MTUS2: variants seen among roughly 807,000 people sequenced by gnomAD.
The protein encoded by MTUS2 is microtubule-associated tumor suppressor candidate 2.
MTUS2 carries 40 observed loss-of-function variants against 114.1 expected under a neutral mutation model. The ratio of observed to expected loss-of-function variants is 0.35; its 90% CI spans 0.27 to 0.46. The LOEUF (loss-of-function observed/expected upper bound fraction) is 0.46. Ranked by LOEUF, MTUS2 falls within the 20% of genes least tolerant of loss-of-function variation. The pLI is 1.00. For missense variants in MTUS2, 1,679 were observed against 1,705.4 expected (o/e 0.98, Z 0.27); for synonymous variants, 688 against 672.0 (o/e 1.02, Z -0.37).
intron 7 of MTUS2, among the ~76,000 whole-genome samples, chr13:29,354,694 G>A (rs2138200906): frequency 6.6e-6 from 1 of 152,264 alleles, no homozygotes; most frequent in Non-Finnish European, 1.5e-5. Context: ...CTGTACTTAA[G>A]ACCAGCTGGA....
In MTUS2 at chr13:29,389,416, T is replaced by TGTATGTATACAC. The variant is rs1555272464; in HGVS notation, c.3117+29945_3117+29946insATGTATACACGT. ...GTGTGTATATATGTATACACGTGTG[T>TGTATGTATACAC]GTGTATGTATACACGTGTGTGTATG... On this transcript the variant is annotated intron_variant, in intron 8 of 15. Transcript: ENST00000612955. 6.5e-4 allele frequency among the ~76,000 whole-genome samples: 49 copies of TGTATGTATACAC among 74,962 alleles called. 15 individuals carry two copies. Among genetic ancestry groups the TGTATGTATACAC allele is most frequent in the African/African-American group, 2.4e-3 (41 of 16,908 alleles). 49.2% of individuals were successfully genotyped at this position (74,962 alleles called of 152,430 possible). A position where few individuals can be genotyped will look rare whatever the true frequency, so the allele number is the denominator to read the frequency against.
intron 1 of MTUS2, among the ~76,000 whole-genome samples, chr13:28,827,267 G>A (rs1356946249): frequency 6.6e-6 from 1 of 152,078 alleles, no homozygotes; most frequent in East Asian, 1.9e-4. Flanking sequence ...CCAAACATTA[G>A]GTTTAGTTTT....
At chr13:29,307,665 C>A (rs772842279) in intron 6 of MTUS2, 2 of 1,128,744 alleles carry the variant, frequency 1.8e-6, no homozygotes, top group Admixed American at 1.7e-5. Flanking sequence ...CCACCTTCGA[C>A]GCTGGGGCTA....
intron 9 of MTUS2, among the ~76,000 whole-genome samples, chr13:29,463,534 A>G (rs1190430713): frequency 1.3e-5 from 2 of 152,212 alleles, no homozygotes; most frequent in Non-Finnish European, 1.5e-5. Context: ...CCAAGGGCAC[A>G]CGCCCTATTG....
chr13:29,406,248 CACTT>C (rs1034639865), intron 8 of MTUS2, among the ~76,000 whole-genome samples: 5 of 152,118 alleles, frequency 3.3e-5, no homozygotes, highest in Middle Eastern at 3.2e-3. Flanking sequence ...GAACAACAAA[CACTT>C]ACTACCCCAC....
intron 5 of MTUS2, among the ~76,000 whole-genome samples, chr13:29,193,638 G>T (rs1283275830): frequency 6.6e-6 from 1 of 152,168 alleles, no homozygotes; most frequent in Non-Finnish European, 1.5e-5. Context: ...TAGGTAGGAA[G>T]AATCAATATC....
chr13:29,218,699 G>A (rs1895781394), intron 5 of MTUS2, among the ~76,000 whole-genome samples: 1 of 152,202 alleles, frequency 6.6e-6, no homozygotes, highest in South Asian at 2.1e-4. Flanking sequence ...GCGCTTGAGT[G>A]AGTGACCAGG....
chr13:29,052,623 G>T (rs1452306894), intron 4 of MTUS2, among the ~76,000 whole-genome samples: 1 of 152,192 alleles, frequency 6.6e-6, no homozygotes, highest in Non-Finnish European at 1.5e-5. Context: ...TAGAAGTTAA[G>T]TAAGCTATTG....
At chr13:29,156,047 T>C (rs1892846005) in intron 5 of MTUS2, among the ~76,000 whole-genome samples, 1 of 152,018 alleles carries the variant, frequency 6.6e-6, no homozygotes, top group South Asian at 2.1e-4. Context: ...GAAAGTACTC[T>C]TACCTATTGT....
At chr13:29,484,683 A>C (rs1015827391) in intron 10 of MTUS2, among the ~76,000 whole-genome samples, 1 of 152,176 alleles carries the variant, frequency 6.6e-6, no homozygotes, top group South Asian at 2.1e-4. Context: ...CCTCTCTCTC[A>C]TCCCATGTAG....
rs184233514 is a variant in MTUS2 at position 29,076,627 on chromosome 13, C to T, written c.2447-24146C>T. 2.3e-3 allele frequency among the ~76,000 whole-genome samples: 344 copies of T among 152,266 alleles called. 1 individual carries two copies. The highest frequency in any genetic ancestry group is 3.4e-3 in the Admixed American group (52 of 15,296). On this transcript the variant is annotated intron_variant, in intron 4 of 15. Transcript: ENST00000612955. ...GTTCCTCCCCATGTGAACCTCTGGA[C>T]GGGGCTGCTTAAATGTCCTCATGGC...
chr13:29,292,606 T>C (rs1351901673), intron 6 of MTUS2, among the ~76,000 whole-genome samples: 2 of 152,210 alleles, frequency 1.3e-5, no homozygotes, highest in Admixed American at 1.3e-4. Flanking sequence ...CACGGTACGA[T>C]GGATTAAGAA....
intron 6 of MTUS2, among the ~76,000 whole-genome samples, chr13:29,294,731 C>G (rs7328227): frequency 0.16 from 24,618 of 152,152 alleles, 2,079 homozygotes; most frequent in African/African-American, 0.19. Context: ...TGTGTGAAAA[C>G]ATGAACAGAT....
chr13:29,035,870 C>A (rs796443098), intron 4 of MTUS2, among the ~76,000 whole-genome samples: 6 of 152,122 alleles, frequency 3.9e-5, no homozygotes, highest in African/African-American at 1.2e-4. Flanking sequence ...CCAGGCTTGG[C>A]GTGGTGGCTC....
intron 2 of MTUS2, among the ~76,000 whole-genome samples, chr13:28,920,207 G>A (rs1482501715): frequency 4.6e-5 from 7 of 152,206 alleles, no homozygotes; most frequent in Non-Finnish European, 8.8e-5. Flanking sequence ...GGCATTTATT[G>A]TAGTCTCACA....
intron 1 of MTUS2, among the ~76,000 whole-genome samples, chr13:28,822,488 T>A (rs1873972572): frequency 6.6e-6 from 1 of 152,178 alleles, no homozygotes; most frequent in Admixed American, 6.5e-5. Flanking sequence ...AGAAGACTGT[T>A]ATGCTTAGCG....
intron 7 of MTUS2, among the ~76,000 whole-genome samples, chr13:29,333,344 T>C (rs1009774405): frequency 2.0e-5 from 3 of 152,118 alleles, no homozygotes; most frequent in Non-Finnish European, 4.4e-5. Flanking sequence ...ATTATAGGCA[T>C]GCACCACCAT....
intron 8 of MTUS2, among the ~76,000 whole-genome samples, chr13:29,389,851 A>ATATG (rs1305993854): frequency 7.9e-5 from 1 of 12,678 alleles, no homozygotes; most frequent in African/African-American, 1.7e-4. Flanking sequence ...ACATATGTGT[A>ATATG]TATATACATA....
At chr13:29,430,284 A>G (rs1299390062) in intron 8 of MTUS2, among the ~76,000 whole-genome samples, 11 of 152,172 alleles carry the variant, frequency 7.2e-5, no homozygotes, top group Non-Finnish European at 1.6e-4. Context: ...TTTTGGTTTG[A>G]GAAAGTATGT....
Sources: allele counts gnomAD v4.1 joint callset (sites outside exome capture counted in the v4.1 genomes callset), GRCh38; gene constraint gnomAD v4.1.1; transcripts MANE v1.5; gene names NCBI Gene and HGNC (gene_info 2026-07-23, HGNC 2026-07-21).